C6: variants seen among roughly 807,000 people sequenced by gnomAD.
C6 encodes complement C6, also known as complement component C6.
In C6, 101 loss-of-function variants were observed where a neutral mutation model predicts 112.9. That is an observed-to-expected ratio of 0.89 (90% CI 0.76 to 1.06). The LOEUF is 1.06. Ranked by LOEUF, C6 falls within the 50% of genes least tolerant of loss-of-function variation. C6 has a pLI of 0.00. For synonymous variants in C6, 431 were observed against 384.1 expected (o/e 1.12, Z -1.43); for missense variants, 1,202 against 1,104.6 (o/e 1.09, Z -1.25).
chr5:41,238,361 G>A (rs921459503), intron 1 of C6, among the ~76,000 whole-genome samples: 1 of 151,458 alleles, frequency 6.6e-6, no homozygotes, highest in Non-Finnish European at 1.5e-5. Context: ...AAACAGCATG[G>A]TACTGGTACC....
At chr5:41,208,875 GC>G (rs1751658858) in intron 1 of C6, among the ~76,000 whole-genome samples, 1 of 151,998 alleles carries the variant, frequency 6.6e-6, no homozygotes, top group Non-Finnish European at 1.5e-5. Flanking sequence ...ATTTTATGAG[GC>G]CAGCATCATC....
chr5:41,148,878 C>A (rs1746102139), intron 17 of C6, among the ~76,000 whole-genome samples: 1 of 152,170 alleles, frequency 6.6e-6, no homozygotes, highest in Non-Finnish European at 1.5e-5. Flanking sequence ...TGGCCTCAGA[C>A]AGTCCCAAAC....
intron 1 of C6, among the ~76,000 whole-genome samples, chr5:41,234,519 T>A (rs942459016): frequency 2.0e-5 from 3 of 152,044 alleles, no homozygotes; most frequent in Non-Finnish European, 2.9e-5. Context: ...AAACAGAGAT[T>A]TAATCTAGAA....
chr5:41,149,915 G>A lies in C6; in HGVS notation c.2381+20C>T. The A allele has an allele frequency of 6.5e-7, 1 of 1,543,328 alleles. No individual in the cohort carries two copies. The highest frequency in any genetic ancestry group is 9.0e-7 in the Non-Finnish European group (1 of 1,115,660). On this transcript the variant is annotated intron_variant, in intron 16 of 17. Coordinates refer to ENST00000337836, the MANE Select transcript of C6 (RefSeq NM_000065.5). ...CTGGTTTTCCCAATTTCCAGACACA[G>A]TCTGTAGGGTATCTCTTACCTACAG...
At chr5:41,202,870 T>C (rs1751139112) in intron 2 of C6, among the ~76,000 whole-genome samples, 1 of 152,216 alleles carries the variant, frequency 6.6e-6, no homozygotes, top group African/African-American at 2.4e-5. Flanking sequence ...CACAGATTCT[T>C]AATTAAATTT....
chr5:41,150,370 A>T (rs1746274704), intron 15 of C6, among the ~76,000 whole-genome samples: 1 of 152,188 alleles, frequency 6.6e-6, no homozygotes, highest in Non-Finnish European at 1.5e-5. Flanking sequence ...ATTGAGCATA[A>T]ACTGACCCAG....
chr5:41,201,737 G>T (rs773737476), intron 2 of C6, 23 bp from the exon 3 acceptor site: 48 of 1,605,226 alleles, frequency 3.0e-5, no homozygotes, highest in African/African-American at 5.4e-5. Flanking sequence ...AGAAGAAGTT[G>T]CTTAGAATGA....
At chr5:41,155,405 C>A (rs1746804063) in intron 13 of C6, among the ~76,000 whole-genome samples, 1 of 151,990 alleles carries the variant, frequency 6.6e-6, no homozygotes, top group Non-Finnish European at 1.5e-5. Flanking sequence ...ACTTGCTCCC[C>A]TGCTGGGAAT....
At chr5:41,194,900 G>A (rs1414710374) in intron 5 of C6, among the ~76,000 whole-genome samples, 1 of 152,174 alleles carries the variant, frequency 6.6e-6, no homozygotes, top group Non-Finnish European at 1.5e-5. Flanking sequence ...AAAGAGCTAT[G>A]TGATCTCCTG....
intron 6 of C6, among the ~76,000 whole-genome samples, chr5:41,185,700 A>G: frequency 6.6e-6 from 1 of 152,182 alleles, no homozygotes; most frequent in East Asian, 1.9e-4. Flanking sequence ...TGGTTATCTA[A>G]GAGCACTACC....
At chr5:41,207,935 G>A (rs980232577) in intron 1 of C6, among the ~76,000 whole-genome samples, 2 of 152,166 alleles carry the variant, frequency 1.3e-5, no homozygotes, top group African/African-American at 4.8e-5. Flanking sequence ...ATTCTTCTCA[G>A]CACCACTTAG....
intron 6 of C6, among the ~76,000 whole-genome samples, chr5:41,182,003 A>T (rs992249615): frequency 9.9e-5 from 15 of 152,162 alleles, no homozygotes; most frequent in Non-Finnish European, 2.9e-5. Context: ...ACCTTGTTTT[A>T]TACTTTTTCA....
At chr5:41,161,565 A>T (rs1355518024) in intron 10 of C6, 128 bp downstream of exon 10, 1 of 807,742 alleles carries the variant, frequency 1.2e-6, no homozygotes, top group African/African-American at 1.7e-5. Context: ...TACATTGTGC[A>T]TGAATACTAA....
Position 41,203,160 on chromosome 5 carries a change from C to A in C6, c.71G>T (p.Cys24Phe). 1.2e-6 allele frequency: 2 copies of A among 1,614,074 alleles called. No homozygotes were observed. Among genetic ancestry groups the A allele is most frequent in the Non-Finnish European group, 1.7e-6 (2 of 1,179,968 alleles). The change falls in exon 2 of 18, where the codon TGT becomes TTT. Residue 24 changes from cysteine (C) to phenylalanine (F), a missense_variant. Coordinates refer to ENST00000337836, the MANE Select transcript of C6 (RefSeq NM_000065.5). Reference sequence around the variant, plus strand: ...CCACTGAGTCCATGCATAGTGATCACAGAAGCAGGCTTGGCCCTTGTTGAT... The same window carrying A: ...CCACTGAGTCCATGCATAGTGATCAAAGAAGCAGGCTTGGCCCTTGTTGAT... ...ALINKGQACF[C>F]DHYAWTQWTS...
chr5:41,211,931 GT>G (rs1415083301), intron 1 of C6, among the ~76,000 whole-genome samples: 19 of 152,056 alleles, frequency 1.2e-4, no homozygotes, highest in African/African-American at 4.6e-4. Context: ...GTATGGGTGA[GT>G]TTTATTCCAA....
At chr5:41,170,386 C>T (rs1330618266) in intron 9 of C6, among the ~76,000 whole-genome samples, 3 of 151,348 alleles carry the variant, frequency 2.0e-5, no homozygotes, top group Non-Finnish European at 2.9e-5. Context: ...TGTTTTTGTA[C>T]CTTAGCTTTG....
rs188803883 is a variant in C6, at chr5:41,205,884, C to T, written c.-20-2634G>A. On this transcript the variant is annotated intron_variant, in intron 1 of 17. Coordinates refer to ENST00000337836, the MANE Select transcript of C6 (RefSeq NM_000065.5). ...TGAAGAGAGTAGTGGTCTCCCAGCA[C>T]GGAGTTTGAGATCTGAGAATGGACA... Among the ~76,000 whole-genome samples the T allele has an allele frequency of 9.5e-3, 1,454 of 152,272 alleles. 21 individuals carry two copies. Among genetic ancestry groups the T allele is most frequent in the Non-Finnish European group, 0.012 (798 of 68,010 alleles).
intron 8 of C6, among the ~76,000 whole-genome samples, chr5:41,174,405 T>C (rs944378715): frequency 2.6e-4 from 39 of 152,186 alleles, no homozygotes; most frequent in African/African-American, 9.2e-4. Flanking sequence ...ACAGGAGTGT[T>C]AGTTGAAAAT....
chr5:41,249,529 G>C (rs1580256688), intron 1 of C6, among the ~76,000 whole-genome samples: 1 of 152,164 alleles, frequency 6.6e-6, no homozygotes, highest in Non-Finnish European at 1.5e-5. Flanking sequence ...CCACAGAGGA[G>C]ATTTTCTTTC....
Sources: allele counts gnomAD v4.1 joint callset (sites outside exome capture counted in the v4.1 genomes callset), GRCh38; gene constraint gnomAD v4.1.1; transcripts MANE v1.5; gene names NCBI Gene and HGNC (gene_info 2026-07-23, HGNC 2026-07-21).